AFF2: variants seen among roughly 807,000 people sequenced by gnomAD.
AFF2 encodes ALF transcription elongation factor 2, also known as AF4/FMR2 family member 2.
A neutral mutation model predicts 76.9 loss-of-function variants in AFF2; 14 were observed. That is an observed-to-expected ratio of 0.18 (90% CI 0.12 to 0.28). The LOEUF (loss-of-function observed/expected upper bound fraction) is 0.28. Ranked by LOEUF, AFF2 falls within the 10% of genes least tolerant of loss-of-function variation. The pLI, the probability that AFF2 is intolerant of heterozygous loss-of-function variation, is 1.00. For synonymous variants in AFF2, 398 were observed against 366.7 expected, an observed-to-expected ratio of 1.09 and a Z score of -0.98; for missense variants, 868 against 1,001.1, an observed-to-expected ratio of 0.87 and a Z score of 1.79.
chrX:148,863,406 A>G (rs782373830), intron 7 of AFF2, among the ~76,000 whole-genome samples: 22 of 111,650 alleles, frequency 2.0e-4, no homozygotes, highest in Non-Finnish European at 3.6e-4. Flanking sequence ...ATGGTCTCAC[A>G]CCTCATCTAG....
intron 3 of AFF2, among the ~76,000 whole-genome samples, chrX:148,777,642 GCT>G (rs1300936430): frequency 9.0e-6 from 1 of 111,609 alleles, no homozygotes; most frequent in Non-Finnish European, 1.9e-5. Flanking sequence ...TCATGATTTG[GCT>G]CTCTGTTTGT....
intron 1 of AFF2, among the ~76,000 whole-genome samples, chrX:148,517,389 A>G (rs1377667241): frequency 8.9e-6 from 1 of 111,786 alleles, no homozygotes; most frequent in Non-Finnish European, 1.9e-5. Flanking sequence ...AGCAAATCCA[A>G]TTTCAATGAA....
intron 3 of AFF2, among the ~76,000 whole-genome samples, chrX:148,767,763 C>G (rs1479455678): frequency 8.9e-6 from 1 of 112,182 alleles, no homozygotes; most frequent in Non-Finnish European, 1.9e-5. Context: ...CACAACTTGC[C>G]TTGAAATGTA....
At position 148,673,121 on chromosome X, in the gene AFF2, A is replaced by G. The variant is rs782252478; in HGVS notation, c.1041+10353A>G. ...GGGTGAGTGTCGCTCTACCTCAGCA[A>G]AAGAACGCAGATGGTCCATAGATAG... On this transcript the variant is annotated intron_variant, in intron 3 of 20. Coordinates refer to ENST00000370460, the MANE Select transcript of AFF2 (RefSeq NM_002025.4). Among the ~76,000 whole-genome samples the G allele has an allele frequency of 2.7e-5, 3 of 112,327 alleles. No homozygotes were observed. In the Admixed American group the frequency reaches 2.8e-4, roughly 11 times the overall value.
At chrX:148,951,946 A>C (rs926050537) in intron 9 of AFF2, among the ~76,000 whole-genome samples, 1 of 111,908 alleles carries the variant, frequency 8.9e-6, no homozygotes, top group African/African-American at 3.3e-5. Flanking sequence ...TACTAAGCAG[A>C]TAGCAGTTTA....
chrX:148,674,208 T>G, intron 3 of AFF2, among the ~76,000 whole-genome samples: 1 of 112,273 alleles, frequency 8.9e-6, no homozygotes, highest in East Asian at 2.8e-4. Flanking sequence ...TGAAATATTC[T>G]TTTCCTCTTT....
At chrX:148,612,349 G>T (rs782468380) in intron 1 of AFF2, among the ~76,000 whole-genome samples, 1 of 111,788 alleles carries the variant, frequency 8.9e-6, no homozygotes, top group Non-Finnish European at 1.9e-5. Context: ...TACTTGTAAG[G>T]CATAATCTTT....
chrX:148,982,039 G>A (rs1324290184), intron 19 of AFF2, among the ~76,000 whole-genome samples: 1 of 111,986 alleles, frequency 8.9e-6, no homozygotes, highest in African/African-American at 3.2e-5. Flanking sequence ...AAAAATAACC[G>A]GAGAAAGGCC....
intron 1 of AFF2, among the ~76,000 whole-genome samples, chrX:148,648,085 A>G (rs1243501404): frequency 8.9e-6 from 1 of 112,265 alleles, no homozygotes; most frequent in African/African-American, 3.2e-5. Context: ...AGAAGATACT[A>G]CATGTACTTG....
chrX:148,582,889 A>G (rs2053428642), intron 1 of AFF2, among the ~76,000 whole-genome samples: 2 of 112,380 alleles, frequency 1.8e-5, no homozygotes, highest in South Asian at 7.2e-4. Context: ...ATATATCCAT[A>G]TAATGGAATA....
intron 7 of AFF2, among the ~76,000 whole-genome samples, chrX:148,877,474 G>T (rs1306240203): frequency 8.9e-6 from 1 of 112,383 alleles, no homozygotes; most frequent in African/African-American, 3.2e-5. Context: ...AAATCAGGTG[G>T]GATTTTTATA....
chrX:148,896,990 T>C (rs2071292280), intron 8 of AFF2, among the ~76,000 whole-genome samples: 1 of 106,355 alleles, frequency 9.4e-6, no homozygotes, highest in African/African-American at 3.4e-5. Context: ...TCCCTCATTG[T>C]GTCCATCTTC....
chrX:148,611,590 C>G (rs1186475751), intron 1 of AFF2, among the ~76,000 whole-genome samples: 1 of 111,372 alleles, frequency 9.0e-6, no homozygotes, highest in African/African-American at 3.3e-5. Flanking sequence ...TCCTTTGCTT[C>G]CTTAAAATTG....
At chrX:148,509,489 A>G (rs1367822750) in intron 1 of AFF2, among the ~76,000 whole-genome samples, 1 of 112,211 alleles carries the variant, frequency 8.9e-6, no homozygotes, top group Non-Finnish European at 1.9e-5. Context: ...TTGCTGAGGG[A>G]CAACCACAAA....
At chrX:148,607,394 C>T (rs1424250019) in intron 1 of AFF2, among the ~76,000 whole-genome samples, 22 of 110,519 alleles carry the variant, frequency 2.0e-4, no homozygotes, top group Non-Finnish European at 3.8e-5. Context: ...GTGCTGTTTT[C>T]GTGATAGTGA....
chrX:148,677,560 T>C (rs891227022), intron 3 of AFF2, among the ~76,000 whole-genome samples: 7 of 112,486 alleles, frequency 6.2e-5, no homozygotes, highest in Non-Finnish European at 1.3e-4. Context: ...CTATTAGTAA[T>C]GCAGTATATT....
chrX:148,812,406 C>G (rs918756353), intron 4 of AFF2, among the ~76,000 whole-genome samples: 14 of 111,510 alleles, frequency 1.3e-4, no homozygotes, highest in Non-Finnish European at 1.7e-4. Context: ...GCACTAGCCC[C>G]GGAGTGGAGG....
chrX:148,588,959 A>G (rs927845929), intron 1 of AFF2, among the ~76,000 whole-genome samples: 1 of 111,038 alleles, frequency 9.0e-6, no homozygotes, highest in Non-Finnish European at 1.9e-5. Context: ...ATGGATCCAT[A>G]TGGCATGTGG....
intron 1 of AFF2, among the ~76,000 whole-genome samples, chrX:148,591,282 G>T (rs1557246603): frequency 1.8e-5 from 2 of 111,651 alleles, no homozygotes; most frequent in African/African-American, 6.5e-5. Flanking sequence ...AGGAACACTT[G>T]ACTATATGTG....
Sources: allele counts gnomAD v4.1 joint callset (sites outside exome capture counted in the v4.1 genomes callset), GRCh38; gene constraint gnomAD v4.1.1; transcripts MANE v1.5; gene names NCBI Gene and HGNC (gene_info 2026-07-23, HGNC 2026-07-21).